Variants in SSBP2 observed in about 807,000 individuals in gnomAD.
The protein encoded by SSBP2 is single stranded DNA binding protein 2.
A neutral mutation model predicts 61.8 loss-of-function variants in SSBP2; 17 were observed. The observed-to-expected ratio is 0.28, with a 90% CI of 0.19 to 0.41. The LOEUF is 0.41. Among genes scored for constraint, SSBP2 ranks in the 10% least tolerant of loss-of-function variants. The pLI is 1.00. For synonymous variants in SSBP2, 139 were observed against 141.3 expected (o/e 0.98, Z 0.12); for missense variants, 310 against 458.7 (o/e 0.68, Z 2.96).
intron 9 of SSBP2, 100 bp downstream of exon 9, chr5:81,466,874 A>G: frequency 1.4e-6 from 1 of 692,268 alleles, no homozygotes; most frequent in East Asian, 3.1e-5. Flanking sequence ...TTTAGAGGCC[A>G]GAAAATAGAA....
chr5:81,583,305 C>T (rs1239707233), intron 4 of SSBP2, among the ~76,000 whole-genome samples: 1 of 152,070 alleles, frequency 6.6e-6, no homozygotes, highest in African/African-American at 2.4e-5. Context: ...ATAGGTTCCA[C>T]CCACATGTAT....
chr5:81,474,084 G>A (rs949332910), intron 7 of SSBP2, among the ~76,000 whole-genome samples: 2 of 152,152 alleles, frequency 1.3e-5, no homozygotes, highest in Non-Finnish European at 2.9e-5. Flanking sequence ...GGAGGGATTT[G>A]GTTATTGAGA....
intron 16 of SSBP2, among the ~76,000 whole-genome samples, chr5:81,422,908 C>T (rs576983652): frequency 5.6e-4 from 86 of 152,350 alleles, no homozygotes; most frequent in African/African-American, 1.9e-3. Flanking sequence ...AATATGTTTA[C>T]TCAATTGATT....
At chr5:81,603,392 A>G (rs971618451) in intron 4 of SSBP2, among the ~76,000 whole-genome samples, 2 of 152,224 alleles carry the variant, frequency 1.3e-5, no homozygotes, top group Non-Finnish European at 2.9e-5. Context: ...AAGCATTCCA[A>G]GAGACCAGGG....
intron 4 of SSBP2, among the ~76,000 whole-genome samples, chr5:81,607,316 T>C (rs1465912621): frequency 6.6e-6 from 1 of 152,154 alleles, no homozygotes; most frequent in Non-Finnish European, 1.5e-5. Flanking sequence ...TGGTACAATG[T>C]TCCCGCAGAA....
At chr5:81,527,083 TA>T (rs1159075389) in intron 4 of SSBP2, among the ~76,000 whole-genome samples, 2 of 151,888 alleles carry the variant, frequency 1.3e-5, no homozygotes, top group Non-Finnish European at 2.9e-5. Flanking sequence ...ATACAAGATA[TA>T]TTAAGAAAAG....
At chr5:81,488,435 C>G (rs1354508040) in intron 6 of SSBP2, among the ~76,000 whole-genome samples, 1 of 151,946 alleles carries the variant, frequency 6.6e-6, no homozygotes, top group Non-Finnish European at 1.5e-5. Context: ...GTGGTGATAT[C>G]TCATTGTGAT....
intron 4 of SSBP2, among the ~76,000 whole-genome samples, chr5:81,555,854 T>C (rs79413228): frequency 9.2e-5 from 14 of 152,242 alleles, no homozygotes; most frequent in African/African-American, 2.9e-4. Context: ...ATTTTTCTCT[T>C]TTTCTCAAAA....
At chr5:81,638,848 G>GA (rs1355499473) in intron 2 of SSBP2, among the ~76,000 whole-genome samples, 2 of 152,090 alleles carry the variant, frequency 1.3e-5, no homozygotes, top group African/African-American at 4.8e-5. Flanking sequence ...AAGTAAAAAT[G>GA]AATCATTTAA....
At position 81,474,547 on chromosome 5, in the gene SSBP2, G is replaced by T. The variant is rs1308904671; in HGVS notation, c.448C>A (p.Pro150Thr). 1.9e-6 allele frequency: 3 copies of T among 1,609,768 alleles called. No homozygotes were observed. In the South Asian group the frequency reaches 3.3e-5, roughly 18 times the overall value. Reference sequence around the variant, plus strand: ...CTGGGGAGTAATGGCTGACTTCCTGGGACACCTCCAAGTGCCTAGCAATTT... The same window carrying T: ...CTGGGGAGTAATGGCTGACTTCCTGTGACACCTCCAAGTGCCTAGCAATTT... Residue 150 changes from proline to threonine, a missense_variant, in exon 7 of 17, where the codon CCA becomes ACA. By Grantham distance (38) the Pro-to-Thr change is conservative (BLOSUM62 -1). Transcript: ENST00000320672.
intron 1 of SSBP2, among the ~76,000 whole-genome samples, chr5:81,748,212 C>A (rs1228270293): frequency 6.6e-6 from 1 of 152,204 alleles, no homozygotes; most frequent in Non-Finnish European, 1.5e-5. Context: ...AATAATGACT[C>A]CTTTTGCAGA....
intron 4 of SSBP2, among the ~76,000 whole-genome samples, chr5:81,525,267 T>G (rs759138783): frequency 2.0e-5 from 3 of 151,874 alleles, no homozygotes; most frequent in Non-Finnish European, 4.4e-5. Context: ...TTGTACAAAT[T>G]ATTTCATCAC....
intron 1 of SSBP2, among the ~76,000 whole-genome samples, chr5:81,699,085 C>T (rs1753784414): frequency 6.6e-6 from 1 of 152,186 alleles, no homozygotes; most frequent in Non-Finnish European, 1.5e-5. Context: ...TGTGCAATAG[C>T]ATTATGTCTA....
intron 1 of SSBP2, among the ~76,000 whole-genome samples, chr5:81,719,455 G>T (rs1237052642): frequency 6.6e-6 from 1 of 152,176 alleles, no homozygotes; most frequent in Non-Finnish European, 1.5e-5. Context: ...AGAAATTCCT[G>T]TGACAGTGGA....
At chr5:81,461,372 C>A (rs536053031) in intron 9 of SSBP2, among the ~76,000 whole-genome samples, 2 of 152,068 alleles carry the variant, frequency 1.3e-5, no homozygotes, top group East Asian at 3.9e-4. Flanking sequence ...ATGGTAACTG[C>A]TCATAGGAGT....
intron 16 of SSBP2, among the ~76,000 whole-genome samples, chr5:81,421,252 T>C (rs1394507726): frequency 6.6e-6 from 1 of 152,180 alleles, no homozygotes; most frequent in Non-Finnish European, 1.5e-5. Context: ...AGTGCAGTGG[T>C]GTGATCTCAG....
intron 9 of SSBP2, among the ~76,000 whole-genome samples, chr5:81,463,059 T>C (rs1442260779): frequency 6.6e-6 from 1 of 152,120 alleles, no homozygotes; most frequent in Non-Finnish European, 1.5e-5. Flanking sequence ...TAACATTATA[T>C]ATTTCAATTT....
At chr5:81,653,959 A>G (rs1019813079) in intron 1 of SSBP2, among the ~76,000 whole-genome samples, 2 of 151,724 alleles carry the variant, frequency 1.3e-5, no homozygotes, top group Non-Finnish European at 2.9e-5. Context: ...CTACTTCTCC[A>G]AACTAAACTA....
intron 15 of SSBP2, among the ~76,000 whole-genome samples, chr5:81,434,848 G>A (rs1030074725): frequency 2.0e-5 from 3 of 152,154 alleles, no homozygotes; most frequent in South Asian, 2.1e-4. Context: ...GTTAGTGACT[G>A]TGACTGTGTA....
Sources: gnomAD v4.1 joint callset for allele counts (sites outside exome capture counted in the v4.1 genomes callset) on GRCh38, gnomAD v4.1.1 for gene constraint, MANE v1.5 for transcripts, NCBI Gene and HGNC (gene_info 2026-07-23, HGNC 2026-07-21) for gene names.